EGFLAM: variants seen among roughly 807,000 people sequenced by gnomAD.
EGFLAM encodes the protein EGF like, fibronectin type III and laminin G domains, also known as pikachurin.
A neutral mutation model predicts 113.1 loss-of-function variants in EGFLAM; 79 were observed. That is an observed-to-expected ratio of 0.70 (90% CI 0.58 to 0.84). The LOEUF (loss-of-function observed/expected upper bound fraction) is 0.84. EGFLAM is among the 40% of genes least tolerant of loss of function. The probability of loss-of-function intolerance (pLI) is 0.00; values close to 1 mark genes in which losing one functional copy is unlikely to be tolerated. For missense variants in EGFLAM, 1,265 were observed against 1,291.6 expected (o/e 0.98, Z 0.32); for synonymous variants, 504 against 487.6 (o/e 1.03, Z -0.44).
In EGFLAM at chr5:38,464,215, A is replaced by T. The variant is rs909870755; in HGVS notation, c.*229A>T. The T allele has an allele frequency of 3.7e-6, 2 of 544,960 alleles. No individual in the cohort carries two copies. The highest frequency in any genetic ancestry group is 6.4e-6 in the Non-Finnish European group (2 of 312,148). The allele number at this position is 544,960 out of a possible 1,614,324, so 33.8% of individuals were successfully genotyped here. ...CAGCAGAATTCTCTGTGTAGGAAGC[A>T]TCGGACTTTGTCCATTGAATATGTA... On this transcript the variant is annotated 3_prime_UTR_variant, in exon 22 of 22. Coordinates refer to ENST00000322350, the MANE Select transcript of EGFLAM (RefSeq NM_152403.4).
intron 6 of EGFLAM, among the ~76,000 whole-genome samples, chr5:38,376,998 C>G (rs1028146939): frequency 6.6e-6 from 1 of 151,972 alleles, no homozygotes; most frequent in African/African-American, 2.4e-5. Context: ...AGCCTAATGC[C>G]CTGCTTTATT....
intron 1 of EGFLAM, among the ~76,000 whole-genome samples, chr5:38,326,405 C>T (rs1452984642): frequency 6.6e-6 from 1 of 152,216 alleles, no homozygotes; most frequent in African/African-American, 2.4e-5. Context: ...TCCCTGATGG[C>T]ACTTTGGTCA....
Position 38,344,648 on chromosome 5 carries a change from C to G in EGFLAM, c.292-5853C>G, listed in dbSNP as rs1016100920. On this transcript the variant is annotated intron_variant, in intron 3 of 21. Coordinates refer to ENST00000322350, the MANE Select transcript of EGFLAM (RefSeq NM_152403.4). Reference sequence around the variant, plus strand: ...AATGAGATGTGCATTTACATTCCTCCCATGGAACTGTCTGGATGTCACCTT... The same window carrying G: ...AATGAGATGTGCATTTACATTCCTCGCATGGAACTGTCTGGATGTCACCTT... 2.6e-5 allele frequency among the ~76,000 whole-genome samples: 4 copies of G among 152,118 alleles called. No individual in the cohort carries two copies. In the South Asian group the frequency reaches 8.3e-4, roughly 31 times the overall value.
Position 38,427,132 on chromosome 5 carries a change from C to A in EGFLAM, c.1934C>A (p.Ser645Ter). 6.2e-7 allele frequency: 1 copy of A among 1,614,126 alleles called. No individual in the cohort carries two copies. Among genetic ancestry groups the A allele is most frequent in the Non-Finnish European group, 8.5e-7 (1 of 1,180,016 alleles). Residue 645 changes from serine (S) to a stop codon, truncating the protein, a stop_gained, in exon 14 of 22, where the codon TCA becomes TAA. Coordinates refer to ENST00000322350, the MANE Select transcript of EGFLAM (RefSeq NM_152403.4). LOFTEE classifies it high-confidence loss of function. ...TTTGAGATCACATTTCGGCCAGACTCAGGAGATGGTGTCCTCCTGTACAGC... is the reference window on the plus strand; with the variant it reads ...TTTGAGATCACATTTCGGCCAGACTAAGGAGATGGTGTCCTCCTGTACAGC... Reference protein sequence around the residue: ...MEFEITFRPDSGDGVLLYSYD... With the variant: ...MEFEITFRPD
rs149050397 is a variant in EGFLAM at position 38,332,657 on chromosome 5, T to C, written c.98-4863T>C. Among the ~76,000 whole-genome samples the C allele has an allele frequency of 5.6e-3, 852 of 152,356 alleles. 5 individuals are homozygous for C. Among genetic ancestry groups the C allele is most frequent in the Non-Finnish European group, 9.5e-3 (649 of 68,038 alleles). ...TGATAAGCATTATTTCTATAGATTA[T>C]AGATTAACTGAAAGTGTTCCTTATG... On this transcript the variant is annotated intron_variant, in intron 1 of 21. Transcript: ENST00000322350.
At chr5:38,286,481 G>C (rs1384013135) in intron 1 of EGFLAM, 2 of 152,188 alleles carry the variant, frequency 1.3e-5, no homozygotes, top group African/African-American at 4.8e-5. Context: ...GTATCAGGAG[G>C]TATCAGCCTA....
rs148241267 is a variant in EGFLAM at position 38,336,570 on chromosome 5, T to TACACACAC, written c.98-928_98-921dup. ...GCCTGGGCGACAGAGTGAGACTCCG[T>TACACACAC]ACACACACACACACACACACACACA... is the stretch of plus-strand genomic sequence containing the variant. On this transcript the variant is annotated intron_variant, in intron 1 of 21. Coordinates refer to ENST00000322350, the MANE Select transcript of EGFLAM (RefSeq NM_152403.4). Among the ~76,000 whole-genome samples the TACACACAC allele has an allele frequency of 3.7e-3, 532 of 142,252 alleles. 6 individuals are homozygous for TACACACAC. The highest frequency in any genetic ancestry group is 8.4e-3 in the African/African-American group (309 of 36,942). The allele number at this position is 142,252 out of a possible 152,430, so 93.3% of individuals were successfully genotyped here.
chr5:38,360,443 G>A (rs749701302), intron 5 of EGFLAM, among the ~76,000 whole-genome samples: 5 of 152,256 alleles, frequency 3.3e-5, no homozygotes, highest in East Asian at 1.9e-4. Context: ...TGCTGGATAC[G>A]TGACATCTAA....
chr5:38,396,806 C>T lies in EGFLAM; in HGVS notation c.713-9320C>T, dbSNP rs928549863. Among the ~76,000 whole-genome samples the T allele has an allele frequency of 3.0e-4, 45 of 152,196 alleles. 1 individual carries two copies. The highest frequency in any genetic ancestry group is 1.7e-4 in the African/African-American group (7 of 41,442). On this transcript the variant is annotated intron_variant, in intron 6 of 21. Coordinates refer to ENST00000322350, the MANE Select transcript of EGFLAM (RefSeq NM_152403.4). ...TGGGTTTTCCTGCTGTGTTCACAGC[C>T]GCTTCTCCCATTATGCTTTGCCTAT...
chr5:38,326,886 C>T (rs945247625), intron 1 of EGFLAM, among the ~76,000 whole-genome samples: 6 of 151,264 alleles, frequency 4.0e-5, no homozygotes, highest in Non-Finnish European at 8.8e-5. Flanking sequence ...GCAACCTCCG[C>T]CTCCCAGGTT....
intron 1 of EGFLAM, among the ~76,000 whole-genome samples, chr5:38,291,332 C>G (rs985988316): frequency 6.6e-6 from 1 of 152,198 alleles, no homozygotes; most frequent in Non-Finnish European, 1.5e-5. Context: ...TGTTGGCTGA[C>G]CTTCCCAAAG....
At chr5:38,417,961 G>A in intron 11 of EGFLAM, 105 bp from the exon 12 acceptor site, 1 of 1,141,642 alleles carries the variant, frequency 8.8e-7, no homozygotes, top group Non-Finnish European at 1.2e-6. Context: ...GAAAATGCTG[G>A]GGCTGTCACT....
At chr5:38,311,655 G>T (rs1413024025) in intron 1 of EGFLAM, among the ~76,000 whole-genome samples, 1 of 152,100 alleles carries the variant, frequency 6.6e-6, no homozygotes, top group Non-Finnish European at 1.5e-5. Flanking sequence ...ATGACAGCAA[G>T]AATGGAAATA....
chr5:38,421,454 G>A (rs1326010607), intron 12 of EGFLAM, among the ~76,000 whole-genome samples: 1 of 152,200 alleles, frequency 6.6e-6, no homozygotes, highest in Non-Finnish European at 1.5e-5. Context: ...GAGATTCAGG[G>A]GGTCTGCGGT....
intron 3 of EGFLAM, among the ~76,000 whole-genome samples, chr5:38,348,759 A>G (rs1739540549): frequency 6.6e-6 from 1 of 152,118 alleles, no homozygotes; most frequent in African/African-American, 2.4e-5. Flanking sequence ...TCTTGAGCAT[A>G]GTAAATACAG....
At chr5:38,439,638 A>C (rs1026917661) in intron 17 of EGFLAM, among the ~76,000 whole-genome samples, 1 of 152,256 alleles carries the variant, frequency 6.6e-6, no homozygotes, top group African/African-American at 2.4e-5. Flanking sequence ...TTATGTTTAA[A>C]TGAATTTGAA....
chr5:38,387,528 A>T (rs1267879925), intron 6 of EGFLAM, among the ~76,000 whole-genome samples: 1 of 152,178 alleles, frequency 6.6e-6, no homozygotes, highest in Admixed American at 6.5e-5. Context: ...AAACTCTTCC[A>T]TTGGAAAGCA....
chr5:38,329,282 C>A (rs571216471), intron 1 of EGFLAM, among the ~76,000 whole-genome samples: 1 of 149,370 alleles, frequency 6.7e-6, no homozygotes, highest in African/African-American at 2.5e-5. Flanking sequence ...GAGGGAGACC[C>A]TATCTCAAAG....
chr5:38,335,803 A>T (rs1455578257), intron 1 of EGFLAM, among the ~76,000 whole-genome samples: 1 of 152,178 alleles, frequency 6.6e-6, no homozygotes, highest in Non-Finnish European at 1.5e-5. Context: ...AACATTGATG[A>T]CAAGCCCTAG....
Sources: allele counts gnomAD v4.1 joint callset (sites outside exome capture counted in the v4.1 genomes callset), GRCh38; gene constraint gnomAD v4.1.1; transcripts MANE v1.5; gene names NCBI Gene and HGNC (gene_info 2026-07-23, HGNC 2026-07-21).